The following ASPM variants were observed in gnomAD, a reference collection of about 807,000 sequenced individuals.
ASPM encodes assembly factor for spindle microtubules.
In ASPM, 256 loss-of-function variants were observed where a neutral mutation model predicts 366.4. That is an observed-to-expected ratio of 0.70 (90% CI 0.63 to 0.77). ASPM has a LOEUF of 0.77. ASPM is among the 30% of genes least tolerant of loss of function. ASPM has a pLI of 0.00. For synonymous variants in ASPM, 1,414 were observed against 1,342.9 expected (o/e 1.05, Z -1.16); for missense variants, 4,146 against 4,090.4 (o/e 1.01, Z -0.37).
intron 4 of ASPM, among the ~76,000 whole-genome samples, chr1:197,136,864 A>T (rs567619563): frequency 1.3e-5 from 2 of 152,070 alleles, no homozygotes; most frequent in African/African-American, 4.8e-5. Context: ...ACAAACACTA[A>T]TTTTTTTTAG....
chr1:197,086,106 T>C (rs935081751), intron 27 of ASPM, among the ~76,000 whole-genome samples: 10 of 152,176 alleles, frequency 6.6e-5, no homozygotes, highest in Non-Finnish European at 1.2e-4. Flanking sequence ...AACTACATTA[T>C]ACAGTTTATA....
rs1244536609 is a variant in ASPM, at chr1:197,142,522, C to T, written c.1730G>A (p.Ser577Asn). 6.2e-7 allele frequency: 1 copy of T among 1,613,878 alleles called. No homozygotes were observed. The highest frequency in any genetic ancestry group is 1.3e-5 in the African/African-American group (1 of 74,924). ...ATTTGCATCTTCCATGCTTCCATCG[C>T]TCTTTCTTTTCCGAGCAACTGAAGC... ...TTASVARKRK[S>N]DGSMEDANVR... The change falls in exon 3 of 28, where the codon AGC becomes AAC. Residue 577 changes from serine to asparagine, a missense_variant. Coordinates refer to ENST00000367409, the MANE Select transcript of ASPM (RefSeq NM_018136.5).
chr1:197,088,594 C>G (rs1656673455), intron 25 of ASPM, among the ~76,000 whole-genome samples, 162 bp from the exon 26 acceptor site: 1 of 152,138 alleles, frequency 6.6e-6, no homozygotes, highest in South Asian at 2.1e-4. Flanking sequence ...TTGATATTAT[C>G]ATTATTTACG....
rs987454404 is a variant in ASPM at position 197,103,998 on chromosome 1, T to C, written c.5253A>G (p.Gln1751=). 6.2e-7 allele frequency: 1 copy of C among 1,612,552 alleles called. No individual in the cohort carries two copies. Among genetic ancestry groups the C allele is most frequent in the East Asian group, 2.2e-5 (1 of 44,830 alleles). Residue 1751 remains glutamine (Q), a synonymous_variant, in exon 18 of 28, where the codon CAA becomes CAG. Transcript: ENST00000367409. ...GYLVRKQMRL[Q]RKAVISLQSY... ...ACTGTAGTGAAATAACAGCTTTTCT[T>C]TGTAACCTCATCTGCTTTCGGACAA...
rs751204699 is a variant in ASPM at position 197,142,572 on chromosome 1, G to A, written c.1680C>T (p.Asn560=). Residue 560 remains asparagine (N), a synonymous_variant, in exon 3 of 28, where the codon AAC becomes AAT. Coordinates refer to ENST00000367409, the MANE Select transcript of ASPM (RefSeq NM_018136.5). ...CTGTTGTCGAAGAGGGTGTTACCTC[G>A]TTTTTATAACTCTTAGATTTACTTA... is the stretch of plus-strand genomic sequence containing the variant. The part of the protein sequence containing the change: ...PILSKSKSYK[N]EVTPSSTTAS... The A allele has an allele frequency of 1.2e-5, 20 of 1,613,614 alleles. 1 individual carries two copies. Among genetic ancestry groups the A allele is most frequent in the East Asian group, 4.5e-5 (2 of 44,880 alleles).
rs763648822 is a variant in ASPM, at chr1:197,142,571, C to T, written c.1681G>A (p.Glu561Lys). The change falls in exon 3 of 28, where the codon GAG (glutamate) becomes AAG (lysine). Residue 561 changes from glutamate (E) to lysine (K), a missense_variant. Transcript: ENST00000367409. ...ILSKSKSYKN[E>K]VTPSSTTASV... Reference sequence around the variant, plus strand: ...GCTGTTGTCGAAGAGGGTGTTACCTCGTTTTTATAACTCTTAGATTTACTT... The same window carrying T: ...GCTGTTGTCGAAGAGGGTGTTACCTTGTTTTTATAACTCTTAGATTTACTT... 84 of 1,613,716 alleles carry T rather than the reference C, an allele frequency of 5.2e-5. No individual in the cohort carries two copies. Among genetic ancestry groups the T allele is most frequent in the Non-Finnish European group, 6.6e-5 (78 of 1,179,756 alleles).
chr1:197,099,850 T>G (rs1038826066), intron 18 of ASPM, among the ~76,000 whole-genome samples: 1 of 151,778 alleles, frequency 6.6e-6, no homozygotes, highest in Non-Finnish European at 1.5e-5. Context: ...CCTCTCTCTA[T>G]GCAACATTGG....
At chr1:197,090,772 TG>T in intron 23 of ASPM, 77 bp downstream of exon 23, 4 of 1,354,992 alleles carry the variant, frequency 3.0e-6, no homozygotes, top group Non-Finnish European at 4.2e-6. Context: ...ATGGTAACTA[TG>T]TTTTTATAGT....
At chr1:197,108,971 CAAA>C (rs564818123) in intron 17 of ASPM, among the ~76,000 whole-genome samples, 14 of 69,734 alleles carry the variant, frequency 2.0e-4, no homozygotes, top group African/African-American at 6.5e-4. Flanking sequence ...ACCCTGTCTC[CAAA>C]AAAAAAAAAA....
Position 197,146,443 on chromosome 1 carries a change from A to G in ASPM, c.-6T>C, listed in dbSNP as rs1012496375. ...CCCACTCGCCGGTTCGCCATGGCAG[A>G]TTCGAGACCCCTCCTGGATCTCCTT... is the stretch of plus-strand genomic sequence containing the variant. On this transcript the variant is annotated 5_prime_UTR_variant, in exon 1 of 28. Transcript: ENST00000367409. 3 of 1,606,044 alleles carry G rather than the reference A, an allele frequency of 1.9e-6. No individual in the cohort carries two copies. The highest frequency in any genetic ancestry group is 8.5e-7 in the Non-Finnish European group (1 of 1,179,496).
At position 197,100,646 on chromosome 1, in the gene ASPM, A is replaced by G; in HGVS notation, c.8605T>C (p.Tyr2869His). ...TTTCTGGTTTGCCACGTCCTAAAAT[A>G]ATGCTGTAAAGTGATAGCAGCTCTT... is the stretch of plus-strand genomic sequence containing the variant. ...QKRAAITLQH[Y>H]FRTWQTRKQF... Residue 2869 changes from tyrosine to histidine, a missense_variant, in exon 18 of 28, where the codon TAT becomes CAT. Tyr to His is a moderately conservative substitution (Grantham distance 83). This residue lies in a region of ASPM where 3,624 missense variants were observed against 3,591.7 expected (regional missense o/e 1.01). Transcript: ENST00000367409. The G allele has an allele frequency of 6.2e-7, 1 of 1,612,246 alleles. No homozygotes were observed. Among genetic ancestry groups the G allele is most frequent in the Non-Finnish European group, 8.5e-7 (1 of 1,178,950 alleles).
Position 197,146,189 on chromosome 1 carries a change from C to T in ASPM, c.249G>A (p.Pro83=), listed in dbSNP as rs1173888933. ...ACACACTGAAGCCCAGGTCCGCGGC[C>T]GGGAAGTGGGAGATCTTCACTTCTG... ...EVAEVKISHF[P]AADLGFSVSQ... is the part of the protein sequence containing the mutation. The change falls in exon 1 of 28, where the codon CCG becomes CCA. Residue 83 remains proline, a synonymous_variant. Transcript: ENST00000367409. 2 of 1,613,594 alleles carry T rather than the reference C, an allele frequency of 1.2e-6. No homozygotes were observed. The highest frequency in any genetic ancestry group is 1.7e-6 in the Non-Finnish European group (2 of 1,179,926).
intron 26 of ASPM, 101 bp from the exon 27 acceptor site, chr1:197,087,073 C>T: frequency 9.6e-7 from 1 of 1,046,504 alleles, no homozygotes; most frequent in Admixed American, 2.7e-5. Context: ...TGCAGTAAAC[C>T]TTTTTTTTTT....
chr1:197,102,295 T>A lies in ASPM; in HGVS notation c.6956A>T (p.Gln2319Leu), dbSNP rs757872973. The A allele has an allele frequency of 1.2e-6, 2 of 1,612,870 alleles. No homozygotes were observed. The highest frequency in any genetic ancestry group is 3.3e-5 in the Admixed American group (2 of 59,790). Residue 2319 changes from glutamine to leucine, a missense_variant, in exon 18 of 28, where the codon CAG becomes CTG. This residue lies in a region of ASPM where 3,624 missense variants were observed against 3,591.7 expected (regional missense o/e 1.01). Coordinates refer to ENST00000367409, the MANE Select transcript of ASPM (RefSeq NM_018136.5). ...LQVQNAVIKI[Q>L]SSYRRWMIRK... ...TATCATCCATCTTCTGTATGATGAC[T>A]GGATTTTAATAACTGCATTTTGTAC...
intron 13 of ASPM, among the ~76,000 whole-genome samples, 193 bp from the exon 14 acceptor site, chr1:197,122,788 G>T (rs74549563): frequency 1.3e-5 from 2 of 152,276 alleles, no homozygotes; most frequent in South Asian, 4.1e-4. Flanking sequence ...AGAACTTTAT[G>T]TGAGAGCATG....
chr1:197,132,161 A>T (rs1021838657), intron 7 of ASPM, 124 bp downstream of exon 7: 4 of 713,090 alleles, frequency 5.6e-6, no homozygotes, highest in Non-Finnish European at 9.2e-6. Flanking sequence ...CTAAAAGATG[A>T]ATCAAGCTAA....
At chr1:197,089,835 G>C (rs1427341353) in intron 25 of ASPM, 95 bp downstream of exon 25, 2 of 1,184,928 alleles carry the variant, frequency 1.7e-6, no homozygotes, top group African/African-American at 3.1e-5. Flanking sequence ...ATTTAACTTA[G>C]AGATTTAAGC....
chr1:197,102,833 T>C lies in ASPM; in HGVS notation c.6418A>G (p.Arg2140Gly), dbSNP rs1657243693. The change falls in exon 18 of 28, where the codon AGA becomes GGA. Residue 2140 changes from arginine (R) to glycine (G), a missense_variant. Physicochemically the swap from Arg to Gly is moderately radical, Grantham distance 125. Around this residue, in one of 3 missense-constraint regions of ASPM, gnomAD observed 3,624 missense variants for 3,591.7 expected, o/e 1.01. Transcript: ENST00000367409. ...ACTTGAATAACAATAGCTGCTTTTCTCATTGTATGGTAACTTATTCTTGAC... is the reference window on the plus strand; with the variant it reads ...ACTTGAATAACAATAGCTGCTTTTCCCATTGTATGGTAACTTATTCTTGAC... Reference protein sequence around the residue: ...HQSRISYHTMRKAAIVIQVRC... With the variant: ...HQSRISYHTMGKAAIVIQVRC... The C allele has an allele frequency of 6.2e-7, 1 of 1,612,414 alleles. No individual in the cohort carries two copies. Among genetic ancestry groups the C allele is most frequent in the Non-Finnish European group, 8.5e-7 (1 of 1,179,256 alleles).
chr1:197,102,825 T>C lies in ASPM; in HGVS notation c.6426A>G (p.Ala2142=), dbSNP rs758343066. 3 of 1,612,392 alleles carry C rather than the reference T, an allele frequency of 1.9e-6. No individual in the cohort carries two copies. The African/African-American group carries it at 4.0e-5, about 22-fold the overall frequency. ...SRISYHTMRK[A]AIVIQVRCRA... is the part of the protein sequence containing the mutation. Reference sequence around the variant, plus strand: ...TACATCTTACTTGAATAACAATAGCTGCTTTTCTCATTGTATGGTAACTTA... The same window carrying C: ...TACATCTTACTTGAATAACAATAGCCGCTTTTCTCATTGTATGGTAACTTA... Residue 2142 remains alanine (A), a synonymous_variant, in exon 18 of 28, where the codon GCA becomes GCG. Coordinates refer to ENST00000367409, the MANE Select transcript of ASPM (RefSeq NM_018136.5).
Sources: gnomAD v4.1 joint callset for allele counts (sites outside exome capture counted in the v4.1 genomes callset) on GRCh38, gnomAD v4.1.1 for gene constraint, gnomAD v4.1.1 regional missense constraint, MANE v1.5 for transcripts, NCBI Gene and HGNC (gene_info 2026-07-23, HGNC 2026-07-21) for gene names.